Variants in NKAIN3 observed in about 807,000 individuals in gnomAD.
The protein encoded by NKAIN3 is sodium/potassium-transporting ATPase subunit beta-1-interacting protein 3.
NKAIN3 carries 25 observed loss-of-function variants against 30.2 expected under a neutral mutation model. The observed-to-expected ratio is 0.83, with a 90% CI of 0.60 to 1.16. NKAIN3 has a LOEUF of 1.16. Ranked by LOEUF, NKAIN3 falls within the 50% of genes most tolerant of loss-of-function variation. The probability of loss-of-function intolerance (pLI) is 0.00; values close to 1 mark genes in which losing one functional copy is unlikely to be tolerated. For synonymous variants in NKAIN3, 91 were observed against 89.6 expected, an observed-to-expected ratio of 1.02 and a Z score of -0.09; for missense variants, 225 against 254.1, an observed-to-expected ratio of 0.89 and a Z score of 0.78.
chr8:62,375,419 A>G (rs1362784486), intron 1 of NKAIN3, among the ~76,000 whole-genome samples: 1 of 152,212 alleles, frequency 6.6e-6, no homozygotes, highest in Non-Finnish European at 1.5e-5. Flanking sequence ...GGCCATGACA[A>G]TCATTCAAGG....
intron 1 of NKAIN3, among the ~76,000 whole-genome samples, chr8:62,358,954 G>A (rs548171118): frequency 1.3e-5 from 2 of 152,178 alleles, no homozygotes; most frequent in African/African-American, 4.8e-5. Context: ...GGCCAAGGTG[G>A]GTGGATCACG....
intron 3 of NKAIN3, among the ~76,000 whole-genome samples, chr8:62,717,501 GTT>G (rs906240128): frequency 6.9e-6 from 1 of 144,852 alleles, no homozygotes. Context: ...GTAATTAAGG[GTT>G]TTTTTTTTTA....
At chr8:62,284,997 G>A (rs889407279) in intron 1 of NKAIN3, among the ~76,000 whole-genome samples, 2 of 152,066 alleles carry the variant, frequency 1.3e-5, no homozygotes, top group Admixed American at 1.3e-4. Context: ...TTTAAAGTGT[G>A]GGTTCAGGAA....
chr8:62,323,001 A>G (rs1814991734), intron 1 of NKAIN3, among the ~76,000 whole-genome samples: 1 of 152,218 alleles, frequency 6.6e-6, no homozygotes, highest in African/African-American at 2.4e-5. Context: ...GCTTATTAGA[A>G]TGGCTAAATT....
chr8:62,248,975 T>C lies in NKAIN3; in HGVS notation c.-99T>C. 5 of 1,167,770 alleles carry C rather than the reference T, an allele frequency of 4.3e-6. No homozygotes were observed. The highest frequency in any genetic ancestry group is 6.0e-6 in the Non-Finnish European group (5 of 832,352). The allele number at this position is 1,167,770 out of a possible 1,614,324, so 72.3% of individuals were successfully genotyped here. On this transcript the variant is annotated 5_prime_UTR_variant, in exon 1 of 7. Transcript: ENST00000623646. ...GCGGCGGCCGCGGGGCCGAGGAGCC[T>C]GGGCCGGGCCGGGCGGGGACTACTC...
intron 1 of NKAIN3, among the ~76,000 whole-genome samples, chr8:62,283,994 G>A (rs915485650): frequency 2.0e-5 from 3 of 152,126 alleles, no homozygotes; most frequent in Admixed American, 1.3e-4. Flanking sequence ...AAAAATTCTT[G>A]TGCATGGAAA....
At chr8:62,912,394 A>T (rs1008656425) in intron 4 of NKAIN3, among the ~76,000 whole-genome samples, 2 of 152,118 alleles carry the variant, frequency 1.3e-5, no homozygotes, top group Admixed American at 1.3e-4. Flanking sequence ...ACTACATTTA[A>T]TTTTTAAATT....
At chr8:62,446,155 G>A (rs1012727611) in intron 1 of NKAIN3, among the ~76,000 whole-genome samples, 2 of 152,100 alleles carry the variant, frequency 1.3e-5, no homozygotes, top group African/African-American at 4.8e-5. Context: ...AAGAAACTAA[G>A]AAATCCCTTT....
chr8:62,627,114 T>C (rs893746549), intron 3 of NKAIN3, among the ~76,000 whole-genome samples: 1 of 152,136 alleles, frequency 6.6e-6, no homozygotes, highest in Non-Finnish European at 1.5e-5. Flanking sequence ...ATGGACAGAA[T>C]ACACAATCGT....
At chr8:62,618,206 G>A (rs1412424100) in intron 3 of NKAIN3, among the ~76,000 whole-genome samples, 1 of 152,158 alleles carries the variant, frequency 6.6e-6, no homozygotes, top group East Asian at 1.9e-4. Context: ...CTCGTCTGCA[G>A]TTGAGGAAAT....
At chr8:62,250,307 AT>A (rs1256903401) in intron 1 of NKAIN3, among the ~76,000 whole-genome samples, 3 of 152,116 alleles carry the variant, frequency 2.0e-5, no homozygotes, top group Non-Finnish European at 4.4e-5. Flanking sequence ...TGTGCCCTTC[AT>A]TGTTCACATA....
chr8:62,850,178 T>A (rs1819845929), intron 4 of NKAIN3, among the ~76,000 whole-genome samples: 1 of 152,110 alleles, frequency 6.6e-6, no homozygotes. Flanking sequence ...CTCATTGTGG[T>A]TTTGATTTGC....
At position 62,972,962 on chromosome 8, in the gene NKAIN3, A is replaced by G. The variant is rs936591326; in HGVS notation, c.*7555A>G. Among the ~76,000 whole-genome samples, 1 of 151,682 alleles carries G rather than the reference A, an allele frequency of 6.6e-6. No individual in the cohort carries two copies. Among genetic ancestry groups the G allele is most frequent in the African/African-American group, 2.4e-5 (1 of 41,148 alleles). On this transcript the variant is annotated 3_prime_UTR_variant, in exon 7 of 7. Coordinates refer to ENST00000623646, the MANE Select transcript of NKAIN3 (RefSeq NM_001304533.3). ...TTCCTGTGTTAGTTTGCTGAGAATGATGGTTTCCAGCTTCATCCATGTCCC... is the reference window on the plus strand; with the variant it reads ...TTCCTGTGTTAGTTTGCTGAGAATGGTGGTTTCCAGCTTCATCCATGTCCC...
intron 1 of NKAIN3, among the ~76,000 whole-genome samples, chr8:62,292,327 G>T (rs1205947645): frequency 6.6e-6 from 1 of 152,150 alleles, no homozygotes; most frequent in Admixed American, 6.5e-5. Context: ...TTTCTTCCTA[G>T]CCTCGATGGT....
chr8:62,966,764 TCC>T lies in NKAIN3; in HGVS notation c.*1359_*1360del, dbSNP rs1823723988. On this transcript the variant is annotated 3_prime_UTR_variant, in exon 7 of 7. Coordinates refer to ENST00000623646, the MANE Select transcript of NKAIN3 (RefSeq NM_001304533.3). ...CTTTGTGTAACGACCACAGTGAAGC[TCC>T]CTATAGGCCAGAAAGTTGTGAATAT... 6.6e-6 allele frequency among the ~76,000 whole-genome samples: 1 copy of T among 152,198 alleles called. No individual in the cohort carries two copies. Among genetic ancestry groups the T allele is most frequent in the East Asian group, 1.9e-4 (1 of 5,194 alleles).
At chr8:62,616,089 G>A (rs918641079) in intron 3 of NKAIN3, among the ~76,000 whole-genome samples, 16 of 152,010 alleles carry the variant, frequency 1.1e-4, no homozygotes, top group African/African-American at 3.4e-4. Flanking sequence ...ATGAGAATAG[G>A]TTATGTGAAA....
At chr8:62,800,419 T>C (rs914985697) in intron 4 of NKAIN3, among the ~76,000 whole-genome samples, 1 of 152,100 alleles carries the variant, frequency 6.6e-6, no homozygotes, top group Admixed American at 6.5e-5. Context: ...ACTCTGCCAC[T>C]TATCTGCTGT....
chr8:62,316,256 A>C (rs1406832437), intron 1 of NKAIN3, among the ~76,000 whole-genome samples: 1 of 152,090 alleles, frequency 6.6e-6, no homozygotes, highest in Non-Finnish European at 1.5e-5. Flanking sequence ...TACAGTAACG[A>C]AGGAAATGCT....
intron 1 of NKAIN3, among the ~76,000 whole-genome samples, chr8:62,461,623 GA>G (rs1473207081): frequency 2.6e-5 from 4 of 152,200 alleles, no homozygotes; most frequent in Non-Finnish European, 4.4e-5. Flanking sequence ...AGAATATCAA[GA>G]GATGGAAATT....
Sources: gnomAD v4.1 joint callset for allele counts (sites outside exome capture counted in the v4.1 genomes callset) on GRCh38, gnomAD v4.1.1 for gene constraint, MANE v1.5 for transcripts, NCBI Gene and HGNC (gene_info 2026-07-23, HGNC 2026-07-21) for gene names.